The following NRXN3 variants were observed in gnomAD, a reference collection of about 807,000 sequenced individuals.
NRXN3 encodes the protein neurexin 3.
A neutral mutation model predicts 137.6 loss-of-function variants in NRXN3; 32 were observed. That is an observed-to-expected ratio of 0.23 (90% confidence interval 0.18 to 0.31). NRXN3 has a LOEUF of 0.31. Ranked by LOEUF, NRXN3 falls within the 10% of genes least tolerant of loss-of-function variation. The pLI is 1.00. For missense variants in NRXN3, 1,574 were observed against 2,062.5 expected, an observed-to-expected ratio of 0.76 and a Z score of 4.59; for synonymous variants, 798 against 784.5, an observed-to-expected ratio of 1.02 and a Z score of -0.29.
intron 15 of NRXN3, among the ~76,000 whole-genome samples, chr14:79,075,700 G>C (rs181568085): frequency 6.6e-6 from 1 of 152,154 alleles, no homozygotes; most frequent in Non-Finnish European, 1.5e-5. Flanking sequence ...CCAAATGCAT[G>C]CTGTTTGATT....
intron 19 of NRXN3, chr14:79,760,546 A>T (rs1158687408): frequency 2.0e-5 from 3 of 151,374 alleles, no homozygotes; most frequent in African/African-American, 7.4e-5. Flanking sequence ...AGGAGAAAAA[A>T]TATTCAAACA....
chr14:79,619,735 A>C (rs1266133800), intron 16 of NRXN3, among the ~76,000 whole-genome samples: 2 of 152,096 alleles, frequency 1.3e-5, no homozygotes, highest in Non-Finnish European at 2.9e-5. Context: ...GTAGTCTTGT[A>C]GGTTCCTAAG....
chr14:79,834,653 A>G (rs2099332210), intron 20 of NRXN3, among the ~76,000 whole-genome samples: 1 of 152,150 alleles, frequency 6.6e-6, no homozygotes, highest in Non-Finnish European at 1.5e-5. Context: ...GCGGTACTCT[A>G]AGTTAACAGT....
intron 4 of NRXN3, among the ~76,000 whole-genome samples, chr14:78,399,069 C>G (rs12883984): frequency 0.4 from 61,116 of 151,996 alleles, 13,308 homozygotes; most frequent in Admixed American, 0.51. Context: ...AGATAGCAGG[C>G]CTTCTATGGG....
intron 15 of NRXN3, among the ~76,000 whole-genome samples, chr14:79,233,397 C>A (rs2072611592): frequency 6.6e-6 from 1 of 152,234 alleles, no homozygotes; most frequent in African/African-American, 2.4e-5. Flanking sequence ...CACTCCAGTA[C>A]AACTTGGTAT....
At chr14:78,377,952 C>G (rs1298871671) in intron 4 of NRXN3, among the ~76,000 whole-genome samples, 1 of 152,204 alleles carries the variant, frequency 6.6e-6, no homozygotes, top group Non-Finnish European at 1.5e-5. Flanking sequence ...GAATACCCAA[C>G]AGCAGCAGAA....
In NRXN3 at chr14:78,554,243, A is replaced by G. The variant is rs556705435; in HGVS notation, c.758-90877A>G. On this transcript the variant is annotated intron_variant, in intron 4 of 20. Transcript: ENST00000335750. ...AGCTGCTTACAAAGAGAGAAGGGAG[A>G]GAATACATTGAACCTATTCAGCTTG... Among the ~76,000 whole-genome samples, 19 of 152,300 alleles carry G rather than the reference A, an allele frequency of 1.2e-4. No individual in the cohort carries two copies. The South Asian group carries it at 3.3e-3, about 27-fold the overall frequency.
At chr14:79,194,234 CT>C in intron 15 of NRXN3, among the ~76,000 whole-genome samples, 1 of 152,282 alleles carries the variant, frequency 6.6e-6, no homozygotes, top group East Asian at 1.9e-4. Context: ...TCAGTGATTG[CT>C]CAGGTTATTT....
intron 9 of NRXN3, among the ~76,000 whole-genome samples, chr14:78,809,589 C>T (rs762398821): frequency 1.8e-4 from 27 of 152,142 alleles, no homozygotes; most frequent in Non-Finnish European, 3.4e-4. Flanking sequence ...GGTGTTTGTG[C>T]GGTTAGCTGT....
chr14:79,624,453 ATG>A (rs3061395), intron 16 of NRXN3, among the ~76,000 whole-genome samples: 1 of 146,970 alleles, frequency 6.8e-6, no homozygotes, highest in Non-Finnish European at 1.5e-5. Flanking sequence ...ATATATATAT[ATG>A]TATACATAGT....
intron 16 of NRXN3, among the ~76,000 whole-genome samples, chr14:79,545,462 C>T (rs1375122181): frequency 2.0e-5 from 3 of 152,114 alleles, no homozygotes; most frequent in Admixed American, 6.6e-5. Flanking sequence ...GCCTCCCCTT[C>T]CACCTTTAAG....
chr14:79,724,819 A>G (rs2098872636), intron 19 of NRXN3, among the ~76,000 whole-genome samples: 1 of 152,170 alleles, frequency 6.6e-6, no homozygotes, highest in Non-Finnish European at 1.5e-5. Flanking sequence ...TCATAAGTGT[A>G]TTGGGGACAC....
At chr14:79,245,921 G>A (rs183887207) in intron 15 of NRXN3, among the ~76,000 whole-genome samples, 50 of 152,182 alleles carry the variant, frequency 3.3e-4, no homozygotes, top group African/African-American at 1.1e-3. Flanking sequence ...TGTTTGGTAA[G>A]GTGTCAAGGG....
At chr14:79,668,043 G>A (rs1277782890) in intron 17 of NRXN3, among the ~76,000 whole-genome samples, 1 of 151,980 alleles carries the variant, frequency 6.6e-6, no homozygotes, top group African/African-American at 2.4e-5. Context: ...AGGGGGTGCT[G>A]AGGAGAGCAG....
Position 79,607,995 on chromosome 14 carries a change from G to T in NRXN3, c.3445-55783G>T, listed in dbSNP as rs535389109. On this transcript the variant is annotated intron_variant, in intron 16 of 20. Coordinates refer to ENST00000335750, the MANE Select transcript of NRXN3 (RefSeq NM_001330195.2). ...TGGCCATCAAATGTTTTTCATAGTG[G>T]ACTAGGGCTTTATGATCCCATAAAA... Among the ~76,000 whole-genome samples the T allele has an allele frequency of 2.0e-5, 3 of 152,270 alleles. No individual in the cohort carries two copies. The South Asian group carries it at 6.2e-4, about 32-fold the overall frequency.
At chr14:78,412,484 T>C (rs148846645) in intron 4 of NRXN3, among the ~76,000 whole-genome samples, 160 of 152,348 alleles carry the variant, frequency 1.1e-3, no homozygotes, top group African/African-American at 3.4e-3. Flanking sequence ...AAGATAATAA[T>C]AACTAATAGT....
chr14:78,235,034 ATATGTG>A (rs1207479846), intron 1 of NRXN3, among the ~76,000 whole-genome samples: 1 of 122,076 alleles, frequency 8.2e-6, no homozygotes, highest in Non-Finnish European at 1.7e-5. Flanking sequence ...GTGTATATAT[ATATGTG>A]TGTGTGTGTG....
chr14:78,904,102 G>A (rs985071990), intron 10 of NRXN3, among the ~76,000 whole-genome samples: 1 of 152,092 alleles, frequency 6.6e-6, no homozygotes, highest in Non-Finnish European at 1.5e-5. Flanking sequence ...CAGGCGATAT[G>A]TCAAGATTAT....
chr14:78,648,866 G>A (rs1194814713), intron 5 of NRXN3, among the ~76,000 whole-genome samples: 1 of 152,164 alleles, frequency 6.6e-6, no homozygotes, highest in Non-Finnish European at 1.5e-5. Context: ...GGTGGAATGG[G>A]TTTGTGTTAG....
Sources: allele counts gnomAD v4.1 joint callset (sites outside exome capture counted in the v4.1 genomes callset), GRCh38; gene constraint gnomAD v4.1.1; transcripts MANE v1.5; gene names NCBI Gene and HGNC (gene_info 2026-07-23, HGNC 2026-07-21).